The following PI16 variants were observed in gnomAD, a reference collection of about 807,000 sequenced individuals.
The protein encoded by PI16 is PSP94-binding protein.
A neutral mutation model predicts 38.0 loss-of-function variants in PI16; 35 were observed. The ratio of observed to expected loss-of-function variants is 0.92; its 90% CI spans 0.70 to 1.22. PI16 has a LOEUF of 1.22. Ranked by LOEUF, PI16 falls within the 50% of genes most tolerant of loss-of-function variation. PI16 has a pLI of 0.00. For missense variants in PI16, 572 were observed against 593.8 expected, an observed-to-expected ratio of 0.96 and a Z score of 0.38; for synonymous variants, 275 against 252.9, an observed-to-expected ratio of 1.09 and a Z score of -0.83.
rs993510440 is a variant in PI16 at position 36,959,267 on chromosome 6, C to T, written c.294C>T (p.Asp98=). The T allele has an allele frequency of 2.5e-6, 4 of 1,602,840 alleles. No homozygotes were observed. The highest frequency in any genetic ancestry group is 3.4e-6 in the Non-Finnish European group (4 of 1,175,276). The change falls in exon 2 of 7, where the codon GAC becomes GAT. Residue 98 remains aspartate, a synonymous_variant. Transcript: ENST00000373674. ...TCGCCATCACAGACGAGGGCATGGA[C>T]GTGCCGCTGGCCATGGAGGAGTGGC... ...NLFAITDEGM[D]VPLAMEEWHH...
At chr6:36,956,171 C>T (rs771834894) in intron 1 of PI16, among the ~76,000 whole-genome samples, 3 of 152,124 alleles carry the variant, frequency 2.0e-5, no homozygotes, top group Non-Finnish European at 4.4e-5. Context: ...CAGGATGACA[C>T]GTAAGAAAGA....
intron 1 of PI16, among the ~76,000 whole-genome samples, chr6:36,956,380 A>T (rs1048326330): frequency 2.6e-5 from 4 of 152,140 alleles, no homozygotes; most frequent in East Asian, 1.9e-4. Context: ...GCTGGCTGAG[A>T]CTGGGGGCCA....
chr6:36,955,850 T>A (rs542053786), intron 1 of PI16, among the ~76,000 whole-genome samples: 1 of 152,204 alleles, frequency 6.6e-6, no homozygotes, highest in East Asian at 1.9e-4. Context: ...ATATGCAGAA[T>A]TAAAGGAGAT....
intron 2 of PI16, among the ~76,000 whole-genome samples, chr6:36,960,790 T>C (rs76496572): frequency 1.8e-3 from 273 of 152,086 alleles, no homozygotes; most frequent in African/African-American, 6.3e-3. Context: ...CAGAAGGTGC[T>C]CAACACGGGG....
intron 1 of PI16, 119 bp from the exon 2 acceptor site, chr6:36,959,026 C>T (rs1763275459): frequency 4.4e-6 from 4 of 898,954 alleles, no homozygotes; most frequent in Non-Finnish European, 6.7e-6. Flanking sequence ...AGGCCATGCC[C>T]AAGAGTCACC....
intron 2 of PI16, 76 bp downstream of exon 2, chr6:36,959,442 A>T (rs1341380985): frequency 7.1e-7 from 1 of 1,402,110 alleles, no homozygotes; most frequent in African/African-American, 1.4e-5. Flanking sequence ...GGGCGGGGCC[A>T]CCTCTGCCTT....
At chr6:36,954,737 G>A (rs752250405), upstream of PI16, 3 of 1,602,680 alleles carry the variant, frequency 1.9e-6, no homozygotes, top group Non-Finnish European at 2.6e-6. Context: ...CCCTGGACGG[G>A]AGAAGGAGAG....
chr6:36,961,569 C>G lies in PI16; in HGVS notation c.503+9C>G. 1 of 1,611,736 alleles carries G rather than the reference C, an allele frequency of 6.2e-7. No individual in the cohort carries two copies. The highest frequency in any genetic ancestry group is 1.1e-5 in the South Asian group (1 of 90,978). Reference sequence around the variant, plus strand: ...TGCAACTATGAGCCTCCGTGAGTGCCGGGGGGAACCCTGGAGATGGAGAGG... The same window carrying G: ...TGCAACTATGAGCCTCCGTGAGTGCGGGGGGGAACCCTGGAGATGGAGAGG... On this transcript the variant is annotated intron_variant, in intron 3 of 6. Transcript: ENST00000373674.
Position 36,957,962 on chromosome 6 carries a change from C to A in PI16, c.172-1183C>A, listed in dbSNP as rs557561270. ...TCCCACTCCCAGTCTCCCACTGTTG[C>A]CAGAGTTGAGAGAATCTCAGGGGCC... On this transcript the variant is annotated intron_variant, in intron 1 of 6. Coordinates refer to ENST00000373674, the MANE Select transcript of PI16 (RefSeq NM_153370.3). Among the ~76,000 whole-genome samples the A allele has an allele frequency of 2.0e-5, 3 of 152,214 alleles. No individual in the cohort carries two copies. In the East Asian group the frequency reaches 5.8e-4, roughly 29 times the overall value.
chr6:36,952,898 A>C (rs183785245), upstream of PI16, among the ~76,000 whole-genome samples: 3 of 152,200 alleles, frequency 2.0e-5, no homozygotes, highest in Non-Finnish European at 4.4e-5. Context: ...CAACATTGAC[A>C]CCTTAGCAAT....
intron 1 of PI16, among the ~76,000 whole-genome samples, chr6:36,958,349 C>A (rs1316054252): frequency 6.6e-6 from 1 of 152,192 alleles, no homozygotes; most frequent in Non-Finnish European, 1.5e-5. Context: ...CCACACTCGG[C>A]CTGTCCTCTC....
chr6:36,960,325 A>ATGTGTGTG (rs10664545), intron 2 of PI16, among the ~76,000 whole-genome samples: 6,992 of 139,918 alleles, frequency 0.05, 209 homozygotes, highest in Middle Eastern at 0.12. Flanking sequence ...TGCAGATAAG[A>ATGTGTGTG]TGTGTGTGTG....
upstream of PI16, among the ~76,000 whole-genome samples, chr6:36,951,670 G>T (rs4711476): frequency 0.36 from 54,054 of 151,890 alleles, 9,835 homozygotes; most frequent in Middle Eastern, 0.44. Context: ...AGGCCAAGGC[G>T]GGCAGATTAC....
At chr6:36,956,490 G>A (rs906617846) in intron 1 of PI16, among the ~76,000 whole-genome samples, 13 of 152,224 alleles carry the variant, frequency 8.5e-5, no homozygotes, top group African/African-American at 3.1e-4. Flanking sequence ...GCTGCCTAAT[G>A]GGGAGTGACA....
chr6:36,960,642 A>ACCCCCCCCCCCCCCCCC (rs5875563), intron 2 of PI16, among the ~76,000 whole-genome samples: 1 of 40,982 alleles, frequency 2.4e-5, no homozygotes, highest in African/African-American at 8.2e-5. Context: ...CTCTCCCTCC[A>ACCCCCCCCCCCCCCCCC]CCCCCCCCCT....
At chr6:36,955,415 A>G (rs1763176091) in intron 1 of PI16, among the ~76,000 whole-genome samples, 1 of 152,168 alleles carries the variant, frequency 6.6e-6, no homozygotes, top group Admixed American at 6.5e-5. Flanking sequence ...GTGGAGTAGG[A>G]GGCAGGTGCT....
In PI16 at chr6:36,962,959, C is replaced by G; in HGVS notation, c.617C>G (p.Ala206Gly). ...LCEPIGSPED[A>G]QDLPYLVTEA... Reference sequence around the variant, plus strand: ...GAACCCATCGGAAGCCCGGAAGATGCTCAGGATTTGCCTTACCTGGTAACT... The same window carrying G: ...GAACCCATCGGAAGCCCGGAAGATGGTCAGGATTTGCCTTACCTGGTAACT... The change falls in exon 5 of 7, where the codon GCT becomes GGT. Residue 206 changes from alanine (A) to glycine (G), a missense_variant. Transcript: ENST00000373674. The surrounding 1 kb of genome is among the most constrained non-coding windows in gnomAD (Gnocchi z 4.1). 1 of 1,613,630 alleles carries G rather than the reference C, an allele frequency of 6.2e-7. No homozygotes were observed. Among genetic ancestry groups the G allele is most frequent in the Non-Finnish European group, 8.5e-7 (1 of 1,179,666 alleles).
In PI16 at chr6:36,959,177, G is replaced by C. The variant is rs1283430287; in HGVS notation, c.204G>C (p.Lys68Asn). 1.2e-6 allele frequency: 2 copies of C among 1,610,738 alleles called. No homozygotes were observed. Among genetic ancestry groups the C allele is most frequent in the Non-Finnish European group, 1.7e-6 (2 of 1,179,196 alleles). Residue 68 changes from lysine (K) to asparagine (N), a missense_variant, in exon 2 of 7, where the codon AAG (lysine) becomes AAC (asparagine). Transcript: ENST00000373674. ...ACGAGGAGCTGGCCGCCTTCGCCAA[G>C]GCCTACGCACGGCAGTGCGTGTGGG... ...RWDEELAAFA[K>N]AYARQCVWGH...
rs762101801 is a variant in PI16 at position 36,959,188 on chromosome 6, G to C, written c.215G>C (p.Arg72Pro). ...GCCGCCTTCGCCAAGGCCTACGCAC[G>C]GCAGTGCGTGTGGGGCCACAACAAG... ...ELAAFAKAYA[R>P]QCVWGHNKER... Residue 72 changes from arginine (R) to proline (P), a missense_variant, in exon 2 of 7, where the codon CGG becomes CCG. Transcript: ENST00000373674. 1.9e-6 allele frequency: 3 copies of C among 1,611,168 alleles called. No homozygotes were observed. The highest frequency in any genetic ancestry group is 1.1e-5 in the South Asian group (1 of 90,538).
Sources: allele counts gnomAD v4.1 joint callset (sites outside exome capture counted in the v4.1 genomes callset), GRCh38; gene constraint gnomAD v4.1.1; non-coding constraint Gnocchi (gnomAD v3.1); transcripts MANE v1.5; gene names NCBI Gene and HGNC (gene_info 2026-07-23, HGNC 2026-07-21).